Variants in KIF26B observed in about 807,000 individuals in gnomAD.
KIF26B encodes kinesin-like protein KIF26B.
KIF26B carries 63 observed loss-of-function variants against 151.2 expected under a neutral mutation model. The ratio of observed to expected loss-of-function variants is 0.42; its 90% CI spans 0.34 to 0.51. KIF26B has a LOEUF of 0.51. KIF26B is among the 20% of genes least tolerant of loss of function. The pLI is 0.07. For missense variants in KIF26B, 2,813 were observed against 2,913.6 expected (o/e 0.97, Z 0.79); for synonymous variants, 1,357 against 1,262.1 (o/e 1.08, Z -1.59).
intron 5 of KIF26B, among the ~76,000 whole-genome samples, chr1:245,591,352 T>G (rs577788594): frequency 1.3e-5 from 2 of 152,340 alleles, no homozygotes; most frequent in East Asian, 3.9e-4. Flanking sequence ...ACTGAGCACT[T>G]ACTATGTCAC....
chr1:245,447,429 A>G (rs1332499966), intron 4 of KIF26B, among the ~76,000 whole-genome samples: 5 of 152,200 alleles, frequency 3.3e-5, no homozygotes, highest in African/African-American at 4.8e-5. Context: ...TACAATTCCC[A>G]TATGGGAAAC....
intron 4 of KIF26B, among the ~76,000 whole-genome samples, chr1:245,440,860 A>G (rs1337628355): frequency 1.3e-5 from 2 of 151,804 alleles, no homozygotes; most frequent in East Asian, 3.9e-4. Context: ...ACGTCATGGG[A>G]CCTCCTTTTA....
chr1:245,541,992 C>T (rs771722945), intron 5 of KIF26B, among the ~76,000 whole-genome samples: 22 of 152,164 alleles, frequency 1.4e-4, no homozygotes, highest in Admixed American at 1.4e-3. Context: ...CCCTCAATCT[C>T]ACCACCTCGT....
At chr1:245,263,240 A>G (rs1458315139) in intron 2 of KIF26B, among the ~76,000 whole-genome samples, 4 of 152,000 alleles carry the variant, frequency 2.6e-5, no homozygotes, top group Non-Finnish European at 4.4e-5. Context: ...CCTTCTTCCA[A>G]GCTGTTAATT....
At chr1:245,604,996 C>A (rs968438695) in intron 6 of KIF26B, among the ~76,000 whole-genome samples, 1 of 152,152 alleles carries the variant, frequency 6.6e-6, no homozygotes, top group African/African-American at 2.4e-5. Context: ...TTCCTGGATT[C>A]CCCCCGTTAA....
At chr1:245,323,134 G>T (rs1671919680) in intron 2 of KIF26B, among the ~76,000 whole-genome samples, 1 of 152,148 alleles carries the variant, frequency 6.6e-6, no homozygotes, top group African/African-American at 2.4e-5. Flanking sequence ...TTGTATATAA[G>T]TATCTCTATT....
At chr1:245,242,008 T>C (rs1013002538) in intron 2 of KIF26B, among the ~76,000 whole-genome samples, 7 of 152,224 alleles carry the variant, frequency 4.6e-5, no homozygotes, top group African/African-American at 1.7e-4. Context: ...TTCCTCTGCC[T>C]GGAATGTCTG....
At chr1:245,363,581 G>A (rs747236387) in intron 2 of KIF26B, among the ~76,000 whole-genome samples, 3 of 152,182 alleles carry the variant, frequency 2.0e-5, no homozygotes, top group Non-Finnish European at 4.4e-5. Context: ...AGCTATGGCT[G>A]TTGACCATTC....
At chr1:245,196,172 C>A (rs1669191184) in intron 2 of KIF26B, among the ~76,000 whole-genome samples, 1 of 152,156 alleles carries the variant, frequency 6.6e-6, no homozygotes. Context: ...TTTAACAAGA[C>A]CACTATTTTC....
intron 4 of KIF26B, among the ~76,000 whole-genome samples, chr1:245,497,805 G>T (rs183724230): frequency 2.5e-4 from 38 of 152,248 alleles, no homozygotes; most frequent in African/African-American, 8.7e-4. Flanking sequence ...GTGCAATGGC[G>T]TGATCTCAGC....
intron 4 of KIF26B, among the ~76,000 whole-genome samples, chr1:245,458,937 A>G (rs1659594841): frequency 6.6e-6 from 1 of 152,192 alleles, no homozygotes. Context: ...TCCCCACGCT[A>G]TAATTTTGTT....
At chr1:245,265,223 A>G (rs1016702843) in intron 2 of KIF26B, among the ~76,000 whole-genome samples, 1 of 150,818 alleles carries the variant, frequency 6.6e-6, no homozygotes, top group Admixed American at 6.6e-5. Flanking sequence ...AAAAAAAAAA[A>G]GTTGAGAAAT....
intron 4 of KIF26B, among the ~76,000 whole-genome samples, chr1:245,532,410 TA>T (rs1263742335): frequency 2.0e-5 from 3 of 151,900 alleles, no homozygotes; most frequent in African/African-American, 7.3e-5. Flanking sequence ...CATGCCCAGC[TA>T]ATTTTTTGTA....
intron 2 of KIF26B, among the ~76,000 whole-genome samples, chr1:245,230,509 G>A (rs55919434): frequency 0.056 from 8,576 of 152,202 alleles, 494 homozygotes; most frequent in African/African-American, 0.15. Flanking sequence ...TTGGGAGGCC[G>A]AGGCGGGTGG....
intron 2 of KIF26B, among the ~76,000 whole-genome samples, chr1:245,253,032 C>G (rs569287643): frequency 7.4e-6 from 1 of 135,260 alleles, no homozygotes. Flanking sequence ...TTTTTTGAGA[C>G]GGAGTCTTGC....
intron 10 of KIF26B, among the ~76,000 whole-genome samples, chr1:245,658,646 C>T (rs1572182974): frequency 6.6e-6 from 1 of 152,262 alleles, no homozygotes; most frequent in African/African-American, 2.4e-5. Context: ...CCTGCCTTGG[C>T]CTCCCAAAGT....
chr1:245,310,626 A>G (rs112332940), intron 2 of KIF26B, among the ~76,000 whole-genome samples: 85 of 152,328 alleles, frequency 5.6e-4, no homozygotes, highest in African/African-American at 2.0e-3. Context: ...TTGGAAGCTC[A>G]TTCAGATGTT....
intron 10 of KIF26B, among the ~76,000 whole-genome samples, chr1:245,657,489 G>T (rs1055932777): frequency 1.1e-4 from 17 of 152,092 alleles, no homozygotes; most frequent in Admixed American, 2.6e-4. Context: ...CTGCCAGAAG[G>T]CCCCTTTAAA....
chr1:245,298,425 T>C (rs1226182610), intron 2 of KIF26B, among the ~76,000 whole-genome samples: 3 of 152,116 alleles, frequency 2.0e-5, no homozygotes, highest in Non-Finnish European at 4.4e-5. Flanking sequence ...GCACAAACAT[T>C]GTATGGTTTT....
Sources: gnomAD v4.1 joint callset for allele counts (sites outside exome capture counted in the v4.1 genomes callset) on GRCh38, gnomAD v4.1.1 for gene constraint, MANE v1.5 for transcripts, NCBI Gene and HGNC (gene_info 2026-07-23, HGNC 2026-07-21) for gene names.